The following OCIAD1 variants were observed in gnomAD, a reference collection of about 807,000 sequenced individuals.
The protein encoded by OCIAD1 is OCIA domain-containing protein 1.
A neutral mutation model predicts 38.9 loss-of-function variants in OCIAD1; 29 were observed. The ratio of observed to expected loss-of-function variants is 0.74; its 90% CI spans 0.55 to 1.02. OCIAD1 has a LOEUF of 1.02. Among genes scored for constraint, OCIAD1 ranks in the 50% least tolerant of loss-of-function variants. The pLI is 0.00. For synonymous variants in OCIAD1, 110 were observed against 92.0 expected (o/e 1.20, Z -1.12); for missense variants, 288 against 289.6 (o/e 0.99, Z 0.04).
intron 6 of OCIAD1, among the ~76,000 whole-genome samples, chr4:48,851,538 G>GT (rs1302544844): frequency 6.6e-6 from 1 of 152,050 alleles, no homozygotes; most frequent in Non-Finnish European, 1.5e-5. Flanking sequence ...AAACCAAGTG[G>GT]TGGCGCATGC....
At chr4:48,857,019 AAT>A (rs1780100711) in intron 7 of OCIAD1, 192 bp from the exon 8 acceptor site, 1 of 319,920 alleles carries the variant, frequency 3.1e-6, no homozygotes. Flanking sequence ...AAAGCTTAAA[AAT>A]ATGGGTGGAA....
At chr4:48,848,972 A>T (rs1156262156) in intron 5 of OCIAD1, among the ~76,000 whole-genome samples, 1 of 152,182 alleles carries the variant, frequency 6.6e-6, no homozygotes, top group Non-Finnish European at 1.5e-5. Context: ...GCCATAAAAA[A>T]GGATGAGTTC....
Position 48,851,801 on chromosome 4 carries a change from TAC to T in OCIAD1, c.378-3_378-2del. ...TTCTTACTACAATATGATTTTCATT[TAC>T]AGGCACTATTATCAAAAGTCAAAAT... On this transcript the variant is annotated splice_region_variant and splice_polypyrimidine_tract_variant and intron_variant, in intron 6 of 8. Transcript: ENST00000264312. 6.4e-7 allele frequency: 1 copy of T among 1,558,232 alleles called. No individual in the cohort carries two copies. Among genetic ancestry groups the T allele is most frequent in the Non-Finnish European group, 8.8e-7 (1 of 1,130,346 alleles).
At chr4:48,836,950 A>C (rs759519665) in intron 3 of OCIAD1, among the ~76,000 whole-genome samples, 1 of 152,276 alleles carries the variant, frequency 6.6e-6, no homozygotes, top group East Asian at 1.9e-4. Context: ...TAAAATTTTC[A>C]TGGCTCATTA....
intron 1 of OCIAD1, among the ~76,000 whole-genome samples, chr4:48,820,600 A>C (rs1345988722): frequency 6.6e-6 from 1 of 152,212 alleles, no homozygotes; most frequent in Non-Finnish European, 1.5e-5. Context: ...TCAAAAATTC[A>C]ATGAATCCAG....
chr4:48,858,256 CTG>C (rs753377749), intron 8 of OCIAD1, among the ~76,000 whole-genome samples: 3 of 152,148 alleles, frequency 2.0e-5, no homozygotes, highest in Non-Finnish European at 4.4e-5. Flanking sequence ...ACTCATTTGA[CTG>C]TTTCTCTCTT....
At chr4:48,841,129 C>T (rs995966521) in intron 3 of OCIAD1, among the ~76,000 whole-genome samples, 4 of 152,192 alleles carry the variant, frequency 2.6e-5, no homozygotes, top group African/African-American at 9.7e-5. Flanking sequence ...TTTGTTGGAA[C>T]ACAGCTACGT....
At chr4:48,829,089 G>C (rs866588470), upstream of OCIAD1, among the ~76,000 whole-genome samples, 4 of 152,030 alleles carry the variant, frequency 2.6e-5, no homozygotes, top group South Asian at 2.1e-4. Context: ...GTGAAACTCT[G>C]TCTCTTCTAC....
At chr4:48,810,897 T>TC (rs796878810) in intron 1 of OCIAD1, among the ~76,000 whole-genome samples, 1 of 145,506 alleles carries the variant, frequency 6.9e-6, no homozygotes, top group African/African-American at 2.5e-5. Flanking sequence ...TTTCTTTCTT[T>TC]TTTTTTTTTT....
Position 48,860,831 on chromosome 4 carries a change from A to G in OCIAD1, c.*69A>G, listed in dbSNP as rs1780544982. 2.7e-6 allele frequency: 3 copies of G among 1,113,094 alleles called. No homozygotes were observed. The highest frequency in any genetic ancestry group is 4.1e-6 in the Non-Finnish European group (3 of 729,736). The allele number at this position is 1,113,094 out of a possible 1,614,324, so 69.0% of individuals were successfully genotyped here. A position where few individuals can be genotyped will look rare whatever the true frequency, so the allele number is the denominator to read the frequency against. On this transcript the variant is annotated 3_prime_UTR_variant, in exon 9 of 9. Coordinates refer to ENST00000264312, the MANE Select transcript of OCIAD1 (RefSeq NM_017830.4). ...CATCTAGGTGGTCATGATTACCTGC[A>G]TGCTTTGAGCTCAGCAGCAGTCTTC... is the stretch of plus-strand genomic sequence containing the variant.
intron 1 of OCIAD1, among the ~76,000 whole-genome samples, 194 bp from the exon 2 acceptor site, chr4:48,832,426 A>G (rs1017541540): frequency 4.6e-5 from 7 of 152,236 alleles, no homozygotes; most frequent in Non-Finnish European, 8.8e-5. Context: ...GTGAGTTCCA[A>G]ATTAATCAGT....
intron 3 of OCIAD1, among the ~76,000 whole-genome samples, chr4:48,836,004 G>GT (rs1777945962): frequency 6.6e-6 from 1 of 152,144 alleles, no homozygotes; most frequent in Non-Finnish European, 1.5e-5. Context: ...AGGATAGAAC[G>GT]TAAAACATAG....
upstream of OCIAD1, among the ~76,000 whole-genome samples, chr4:48,828,818 A>C (rs1460094602): frequency 6.6e-6 from 1 of 152,238 alleles, no homozygotes; most frequent in Middle Eastern, 3.2e-3. Flanking sequence ...GCTCACCGTG[A>C]GGGTCCGCAG....
upstream of OCIAD1, among the ~76,000 whole-genome samples, chr4:48,829,076 G>C (rs1294126242): frequency 5.3e-5 from 8 of 152,110 alleles, no homozygotes; most frequent in African/African-American, 2.4e-5. Context: ...GGCTGGTAAA[G>C]TAGTGAAACT....
Position 48,833,474 on chromosome 4 carries a change from G to T in OCIAD1, c.132G>T (p.Trp44Cys). 1 of 1,580,864 alleles carries T rather than the reference G, an allele frequency of 6.3e-7. No individual in the cohort carries two copies. The highest frequency in any genetic ancestry group is 8.6e-7 in the Non-Finnish European group (1 of 1,156,072). Residue 44 changes from tryptophan (W) to cysteine (C), a missense_variant, in exon 3 of 9, where the codon TGG becomes TGT. Trp to Cys is a radical substitution (Grantham distance 215, BLOSUM62 -2). Coordinates refer to ENST00000264312, the MANE Select transcript of OCIAD1 (RefSeq NM_017830.4). ...VFAECNDESFWFRSVPLAATS... is the reference protein window; with the variant it reads ...VFAECNDESFCFRSVPLAATS... Reference sequence around the variant, plus strand: ...CAGAATGCAATGATGAAAGCTTCTGGTTCAGATGTGAGTTCAATTTTCTAA... The same window carrying T: ...CAGAATGCAATGATGAAAGCTTCTGTTTCAGATGTGAGTTCAATTTTCTAA...
intron 3 of OCIAD1, 74 bp downstream of exon 3, chr4:48,833,555 G>C: frequency 1.1e-6 from 1 of 926,162 alleles, no homozygotes. Flanking sequence ...ATTTGAACCT[G>C]AAATTATAAT....
chr4:48,833,358 A>G (rs1379807131), intron 2 of OCIAD1, 43 bp from the exon 3 acceptor site: 3 of 1,196,334 alleles, frequency 2.5e-6, no homozygotes, highest in Non-Finnish European at 3.7e-6. Flanking sequence ...ACCTAGTTTT[A>G]TTATGGATAA....
At chr4:48,813,188 T>C (rs1314888397) in intron 1 of OCIAD1, among the ~76,000 whole-genome samples, 2 of 152,238 alleles carry the variant, frequency 1.3e-5, no homozygotes, top group East Asian at 3.8e-4. Context: ...ACTTTTTCTA[T>C]TACATATTAT....
At chr4:48,838,751 T>A (rs964927797) in intron 3 of OCIAD1, among the ~76,000 whole-genome samples, 4 of 152,246 alleles carry the variant, frequency 2.6e-5, no homozygotes, top group South Asian at 2.1e-4. Flanking sequence ...GGTAATTTTT[T>A]ATACATTTTT....
Sources: allele counts gnomAD v4.1 joint callset (sites outside exome capture counted in the v4.1 genomes callset), GRCh38; gene constraint gnomAD v4.1.1; transcripts MANE v1.5; gene names NCBI Gene and HGNC (gene_info 2026-07-23, HGNC 2026-07-21).